Variants in ERO1B observed in about 807,000 individuals in gnomAD.
ERO1B encodes ERO1-like protein beta.
In ERO1B, 49 loss-of-function variants were observed where a neutral mutation model predicts 75.3. That is an observed-to-expected ratio of 0.65 (90% CI 0.52 to 0.83). The LOEUF (loss-of-function observed/expected upper bound fraction) is 0.83, where lower values mean the gene tolerates loss of function less well. Ranked by LOEUF, ERO1B falls within the 40% of genes least tolerant of loss-of-function variation. ERO1B has a pLI of 0.00. For synonymous variants in ERO1B, 191 were observed against 192.9 expected (o/e 0.99, Z 0.08); for missense variants, 512 against 560.1 (o/e 0.91, Z 0.87).
intron 6 of ERO1B, 132 bp from the exon 7 acceptor site, chr1:236,236,530 G>T: frequency 1.4e-5 from 12 of 833,498 alleles, no homozygotes; most frequent in Non-Finnish European, 1.8e-5. Flanking sequence ...AACTTAAATG[G>T]TATAGTGGTT....
chr1:236,227,420 C>A (rs1664306012), intron 10 of ERO1B, among the ~76,000 whole-genome samples: 1 of 152,080 alleles, frequency 6.6e-6, no homozygotes. Context: ...CTATCCTAAC[C>A]CCTGCCCCCA....
At chr1:236,265,633 T>G (rs957551320) in intron 2 of ERO1B, among the ~76,000 whole-genome samples, 1 of 152,200 alleles carries the variant, frequency 6.6e-6, no homozygotes, top group Admixed American at 6.5e-5. Flanking sequence ...CTTACAGTCT[T>G]TTTTGCACAA....
In ERO1B at chr1:236,236,305, T is replaced by C. The variant is rs1055172011; in HGVS notation, c.599A>G (p.Asn200Ser). ...GAAACAGTTCTCTTCATAGATGCTG[T>C]TCCACACTCTCCATGCAGAGGTCCC... ...YKGTSAWRVW[N>S]SIYEENCFKP... Residue 200 changes from asparagine (N) to serine (S), a missense_variant, in exon 7 of 16, where the codon AAC becomes AGC. Coordinates refer to ENST00000354619, the MANE Select transcript of ERO1B (RefSeq NM_019891.4). The C allele has an allele frequency of 6.2e-7, 1 of 1,613,930 alleles. No individual in the cohort carries two copies. Among genetic ancestry groups the C allele is most frequent in the East Asian group, 2.2e-5 (1 of 44,866 alleles).
In ERO1B at chr1:236,222,026, T is replaced by C. The variant is rs759575432; in HGVS notation, c.1123-16A>G. ...GGAATTCCTCCTAGCAAGCAGAAAATATTTTCAGTCTAATTAGACTTTTAA... is the reference window on the plus strand; with the variant it reads ...GGAATTCCTCCTAGCAAGCAGAAAACATTTTCAGTCTAATTAGACTTTTAA... On this transcript the variant is annotated splice_polypyrimidine_tract_variant and intron_variant, in intron 13 of 15. Coordinates refer to ENST00000354619, the MANE Select transcript of ERO1B (RefSeq NM_019891.4). 1 of 1,596,604 alleles carries C rather than the reference T, an allele frequency of 6.3e-7. No homozygotes were observed. Among genetic ancestry groups the C allele is most frequent in the Non-Finnish European group, 8.6e-7 (1 of 1,164,604 alleles).
intron 15 of ERO1B, chr1:236,220,173 A>C (rs762018879): frequency 6.8e-6 from 1 of 147,958 alleles, no homozygotes; most frequent in African/African-American, 2.5e-5. Context: ...TTTTTTTTTA[A>C]TTCTTCCTCA....
chr1:236,229,373 C>T (rs148616957), intron 10 of ERO1B, among the ~76,000 whole-genome samples: 2 of 151,000 alleles, frequency 1.3e-5, no homozygotes, highest in African/African-American at 2.4e-5. Flanking sequence ...TGCAGTGAGC[C>T]GAGATGGCGC....
chr1:236,257,560 C>CAAAAAA (rs57151086), intron 2 of ERO1B, among the ~76,000 whole-genome samples: 49 of 125,520 alleles, frequency 3.9e-4, no homozygotes, highest in Admixed American at 2.5e-3. Flanking sequence ...AAATATGCTC[C>CAAAAAA]AAAAAAAAAA....
rs1347405888 is a variant in ERO1B, at chr1:236,226,486, T to C, written c.835A>G (p.Asn279Asp). The C allele has an allele frequency of 6.2e-7, 1 of 1,614,022 alleles. No individual in the cohort carries two copies. Residue 279 changes from asparagine to aspartate, a missense_variant, in exon 12 of 16, where the codon AAT (asparagine) becomes GAT (aspartate). Coordinates refer to ENST00000354619, the MANE Select transcript of ERO1B (RefSeq NM_019891.4). ...ETWGKPSWGP[N>D]IKEFKHRFDP... Reference sequence around the variant, plus strand: ...AAGCGGTGTTTGAATTCTTTAATATTAGGTCCCCAACTGGGCTTACCCCAG... The same window carrying C: ...AAGCGGTGTTTGAATTCTTTAATATCAGGTCCCCAACTGGGCTTACCCCAG...
chr1:236,221,745 C>A, intron 14 of ERO1B, 179 bp downstream of exon 14: 6 of 535,792 alleles, frequency 1.1e-5, no homozygotes, highest in South Asian at 2.7e-5. Flanking sequence ...GAGAAACATC[C>A]TTTCACATAC....
Position 236,235,149 on chromosome 1 carries a change from C to T in ERO1B, c.673+640G>A, listed in dbSNP as rs1235806653. Reference sequence around the variant, plus strand: ...CACAGTCCCATGTGGAAACTGGTTACTTTATTGGACAGTACAGATATAGAG... The same window carrying T: ...CACAGTCCCATGTGGAAACTGGTTATTTTATTGGACAGTACAGATATAGAG... On this transcript the variant is annotated intron_variant, in intron 8 of 15. Transcript: ENST00000354619. Among the ~76,000 whole-genome samples the T allele has an allele frequency of 5.3e-5, 8 of 152,318 alleles. No homozygotes were observed. The South Asian group carries it at 1.2e-3, about 24-fold the overall frequency.
rs1463105113 is a variant in ERO1B at position 236,216,851 on chromosome 1, T to G, written c.*1665A>C. ...TAGTCACTTTTTAGACAGTTTGCCT[T>G]AAGGCCCCCCTCCCCCACCATACAA... On this transcript the variant is annotated 3_prime_UTR_variant, in exon 16 of 16. Transcript: ENST00000354619. 1 of 151,030 alleles carries G rather than the reference T, an allele frequency of 6.6e-6. No individual in the cohort carries two copies. The highest frequency in any genetic ancestry group is 2.5e-5 in the African/African-American group (1 of 40,494). 9.4% of individuals were successfully genotyped at this position (151,030 alleles called of 1,614,324 possible).
At chr1:236,230,167 TAAATA>T in intron 10 of ERO1B, 52 bp downstream of exon 10, 1 of 1,370,076 alleles carries the variant, frequency 7.3e-7, no homozygotes. Flanking sequence ...AAAAATATGC[TAAATA>T]AATCAGTATT....
At chr1:236,270,056 C>T (rs1272498495) in intron 1 of ERO1B, 62 bp from the exon 2 acceptor site, 2 of 1,151,736 alleles carry the variant, frequency 1.7e-6, no homozygotes, top group Non-Finnish European at 2.5e-6. Context: ...CAAATCTACA[C>T]TATTATATAA....
intron 1 of ERO1B, among the ~76,000 whole-genome samples, chr1:236,279,035 G>C (rs1247488635): frequency 6.6e-6 from 1 of 152,138 alleles, no homozygotes; most frequent in Admixed American, 6.5e-5. Context: ...CTATACTAGA[G>C]AGAACTGAAA....
Position 236,226,261 on chromosome 1 carries a change from A to G in ERO1B, c.1052+8T>C, listed in dbSNP as rs1327840955. ...GAGAATTTCAAATCACGGATAGTCA[A>G]TTCTTACTTTGTATCTTGAAAGATA... On this transcript the variant is annotated splice_region_variant and intron_variant, in intron 12 of 15. Transcript: ENST00000354619. 5 of 1,612,568 alleles carry G rather than the reference A, an allele frequency of 3.1e-6. No individual in the cohort carries two copies. The highest frequency in any genetic ancestry group is 4.2e-6 in the Non-Finnish European group (5 of 1,179,304).
At chr1:236,253,324 C>T in intron 3 of ERO1B, 98 bp downstream of exon 3, 2 of 715,270 alleles carry the variant, frequency 2.8e-6, no homozygotes, top group Non-Finnish European at 4.8e-6. Context: ...GCTGACACAT[C>T]CAAATCCATT....
intron 8 of ERO1B, among the ~76,000 whole-genome samples, chr1:236,235,188 T>C (rs914884510): frequency 1.6e-4 from 25 of 152,356 alleles, no homozygotes; most frequent in African/African-American, 5.5e-4. Context: ...TGCTAAAGTT[T>C]CTAAAATTGT....
At chr1:236,252,778 G>A (rs892298708) in intron 3 of ERO1B, among the ~76,000 whole-genome samples, 1 of 152,140 alleles carries the variant, frequency 6.6e-6, no homozygotes, top group Non-Finnish European at 1.5e-5. Flanking sequence ...CTTTAGGAAG[G>A]ACATTGGTAC....
chr1:236,225,184 A>C (rs1300130481), intron 12 of ERO1B, 45 bp from the exon 13 acceptor site: 67 of 1,564,590 alleles, frequency 4.3e-5, no homozygotes, highest in Non-Finnish European at 5.4e-5. Context: ...TGAAAAATCC[A>C]CGTACTCTGT....
Sources: allele counts gnomAD v4.1 joint callset (sites outside exome capture counted in the v4.1 genomes callset), GRCh38; gene constraint gnomAD v4.1.1; transcripts MANE v1.5; gene names NCBI Gene and HGNC (gene_info 2026-07-23, HGNC 2026-07-21).